Variants in NOTCH2NLR observed in about 807,000 individuals in gnomAD.
NOTCH2NLR encodes the protein notch 2 N-terminal like R.
A neutral mutation model predicts 35.6 loss-of-function variants in NOTCH2NLR; 33 were observed. The ratio of observed to expected loss-of-function variants is 0.93; its 90% CI spans 0.70 to 1.24. The LOEUF (loss-of-function observed/expected upper bound fraction) is 1.24, where lower values mean the gene tolerates loss of function less well. Among genes scored for constraint, NOTCH2NLR ranks in the 50% most tolerant of loss-of-function variants. NOTCH2NLR has a pLI of 0.00. For synonymous variants in NOTCH2NLR, 103 were observed against 141.0 expected (o/e 0.73, Z 1.91); for missense variants, 276 against 362.2 (o/e 0.76, Z 1.93).
At chr1:120,768,239 T>G (rs1368553761) in intron 2 of NOTCH2NLR, among the ~76,000 whole-genome samples, 7 of 113,696 alleles carry the variant, frequency 6.2e-5, no homozygotes, top group Non-Finnish European at 1.2e-4. Flanking sequence ...AGGGGTTCAG[T>G]GGAAAGTGTG....
intron 1 of NOTCH2NLR, 135 bp from the exon 2 acceptor site, chr1:120,763,493 A>T (rs1384487535): frequency 2.2e-6 from 1 of 452,540 alleles, no homozygotes; most frequent in Non-Finnish European, 3.9e-6. Flanking sequence ...AGAACATAAA[A>T]AACTGATTAA....
At chr1:120,725,978 CTT>C (rs1271253567) in intron 1 of NOTCH2NLR, among the ~76,000 whole-genome samples, 2,826 of 111,608 alleles carry the variant, frequency 0.025, 665 homozygotes, top group Middle Eastern at 0.047. Context: ...TGGTAAATAA[CTT>C]AATCTTCTTG....
Position 120,724,679 on chromosome 1 carries a change from C to T in NOTCH2NLR, c.73+429C>T, listed in dbSNP as rs1461234157. The stretch of plus-strand genomic sequence containing the variant: ...CTGGCGTGGAGAGCGGGGGCAGGGC[C>T]GCCAAGCCAAACGGCCTGCAGCTTC... On this transcript the variant is annotated intron_variant, in intron 1 of 4. Coordinates refer to ENST00000624419, the Ensembl canonical transcript of NOTCH2NLR. Among the ~76,000 whole-genome samples the T allele has an allele frequency of 1.6e-5, 2 of 124,320 alleles. 1 individual carries two copies. The highest frequency in any genetic ancestry group is 3.3e-5 in the Non-Finnish European group (2 of 61,376). The allele number at this position is 124,320 out of a possible 152,430, so 81.6% of individuals were successfully genotyped here. A position where few individuals can be genotyped will look rare whatever the true frequency, so the allele number is the denominator to read the frequency against.
chr1:120,727,806 TC>T (rs1429543597), intron 1 of NOTCH2NLR, among the ~76,000 whole-genome samples: 1 of 117,346 alleles, frequency 8.5e-6, no homozygotes, highest in Admixed American at 8.1e-5. Context: ...TGTTTTTGTT[TC>T]CCCCCCTTTC....
intron 1 of NOTCH2NLR, among the ~76,000 whole-genome samples, chr1:120,727,490 A>C (rs1312247758): frequency 9.1e-6 from 1 of 109,848 alleles, no homozygotes; most frequent in South Asian, 2.7e-4. Flanking sequence ...ACCCTTTAGA[A>C]GGGCTTCATA....
At chr1:120,784,881 G>C in intron 2 of NOTCH2NLR, 93 bp from the exon 3 acceptor site, 3 of 1,035,290 alleles carry the variant, frequency 2.9e-6, no homozygotes, top group Non-Finnish European at 2.8e-6. Flanking sequence ...TCACAATCTC[G>C]TGCTTTCTTG....
At chr1:120,756,539 G>T (rs1410951854) in intron 1 of NOTCH2NLR, among the ~76,000 whole-genome samples, 2 of 116,462 alleles carry the variant, frequency 1.7e-5, no homozygotes, top group East Asian at 4.2e-4. Flanking sequence ...GACGACAGAG[G>T]CTTATTTGAA....
intron 1 of NOTCH2NLR, among the ~76,000 whole-genome samples, chr1:120,762,645 GTTTC>G (rs1239451046): frequency 2.8e-5 from 1 of 35,554 alleles, no homozygotes; most frequent in East Asian, 5.7e-4. Context: ...GTTTGACTAG[GTTTC>G]TTTCTGTCTT....
rs1288705783 is a variant in NOTCH2NLR, at chr1:120,767,618, A to G, written c.155+3909A>G. On this transcript the variant is annotated intron_variant, in intron 2 of 4. Coordinates refer to ENST00000624419, the Ensembl canonical transcript of NOTCH2NLR. ...TTATTGCTGTTAAATAACTACTGTC[A>G]AATCTTAATAAAGCCCTCTCACTAC... Among the ~76,000 whole-genome samples the G allele has an allele frequency of 6.6e-4, 57 of 86,446 alleles. 7 individuals carry two copies. Among genetic ancestry groups the G allele is most frequent in the Non-Finnish European group, 1.2e-4 (6 of 48,948 alleles). 56.7% of individuals were successfully genotyped at this position (86,446 alleles called of 152,430 possible).
chr1:120,788,681 T>C (rs1336812029), intron 3 of NOTCH2NLR, among the ~76,000 whole-genome samples: 1 of 91,576 alleles, frequency 1.1e-5, no homozygotes, highest in Non-Finnish European at 2.0e-5. Flanking sequence ...CTTCAGGATG[T>C]TGGGGAACAT....
At position 120,730,617 on chromosome 1, in the gene NOTCH2NLR, A is replaced by G. The variant is rs1399256910; in HGVS notation, c.73+6367A>G. 1.5e-4 allele frequency among the ~76,000 whole-genome samples: 17 copies of G among 115,546 alleles called. 2 individuals carry two copies. Among genetic ancestry groups the G allele is most frequent in the Admixed American group, 7.4e-4 (9 of 12,132 alleles). 75.8% of individuals were successfully genotyped at this position (115,546 alleles called of 152,430 possible). Reference sequence around the variant, plus strand: ...GTCTCACTTTTTGGAGGAGAATATTATCTGTGTGGCAGAACATACATTGTG... The same window carrying G: ...GTCTCACTTTTTGGAGGAGAATATTGTCTGTGTGGCAGAACATACATTGTG... On this transcript the variant is annotated intron_variant, in intron 1 of 4. Transcript: ENST00000624419.
chr1:120,793,227 C>A, exon 4 of NOTCH2NLR: 1 of 1,441,560 alleles, frequency 6.9e-7, no homozygotes, highest in Non-Finnish European at 9.3e-7. Flanking sequence ...ACCTGTACCA[C>A]TGTGGCCAAC....
Position 120,791,322 on chromosome 1 carries a change from G to A in NOTCH2NLR, c.416-1839G>A, listed in dbSNP as rs1217641944. Among the ~76,000 whole-genome samples, 4 of 89,168 alleles carry A rather than the reference G, an allele frequency of 4.5e-5. No individual in the cohort carries two copies. In the East Asian group the frequency reaches 8.0e-4, roughly 18 times the overall value. 58.5% of individuals were successfully genotyped at this position (89,168 alleles called of 152,430 possible). The stretch of plus-strand genomic sequence containing the variant: ...ATATATACCCAAAGAATTATAAATC[G>A]TGCTGCTATAAAGACACATGCACAC... On this transcript the variant is annotated intron_variant, in intron 3 of 4. Coordinates refer to ENST00000624419, the Ensembl canonical transcript of NOTCH2NLR.
At chr1:120,784,586 A>G (rs1469107913) in intron 2 of NOTCH2NLR, among the ~76,000 whole-genome samples, 1 of 117,580 alleles carries the variant, frequency 8.5e-6, no homozygotes, top group Non-Finnish European at 1.6e-5. Flanking sequence ...TGATTTTCCT[A>G]TTCTAAACTG....
intron 1 of NOTCH2NLR, among the ~76,000 whole-genome samples, chr1:120,727,333 A>G (rs1209840730): frequency 6.4e-5 from 7 of 109,684 alleles, no homozygotes; most frequent in Non-Finnish European, 1.0e-4. Flanking sequence ...AGGTCTTTCT[A>G]AATTTAAGAA....
chr1:120,785,411 A>G (rs1395066869), intron 3 of NOTCH2NLR, among the ~76,000 whole-genome samples, 178 bp downstream of exon 3: 1 of 70,222 alleles, frequency 1.4e-5, no homozygotes, highest in Non-Finnish European at 2.4e-5. Flanking sequence ...TAAGAGTTTC[A>G]GGGGGCAGAG....
intron 1 of NOTCH2NLR, among the ~76,000 whole-genome samples, chr1:120,745,162 G>A (rs1650967253): frequency 9.5e-6 from 1 of 105,286 alleles, no homozygotes; most frequent in Admixed American, 9.2e-5. Flanking sequence ...AAGTGGTATT[G>A]GGCCTGTCTA....
intron 1 of NOTCH2NLR, among the ~76,000 whole-genome samples, chr1:120,751,619 C>T (rs1651021907): frequency 1.7e-5 from 1 of 59,380 alleles, no homozygotes; most frequent in South Asian, 4.1e-4. Flanking sequence ...TGCTCTTTCT[C>T]TCTTCCCTTT....
At position 120,770,405 on chromosome 1, in the gene NOTCH2NLR, A is replaced by G. The variant is rs1369967146; in HGVS notation, c.155+6696A>G. ...AGGATGGTCTCTATCTCCTGACCTC[A>G]TGATCTGCCCGCCTCGGCCTCCCAA... On this transcript the variant is annotated intron_variant, in intron 2 of 4. Coordinates refer to ENST00000624419, the Ensembl canonical transcript of NOTCH2NLR. Among the ~76,000 whole-genome samples, 2 of 110,852 alleles carry G rather than the reference A, an allele frequency of 1.8e-5. 1 individual carries two copies. The highest frequency in any genetic ancestry group is 3.4e-5 in the Non-Finnish European group (2 of 59,128). 72.7% of individuals were successfully genotyped at this position (110,852 alleles called of 152,430 possible).
Sources: allele counts gnomAD v4.1 joint callset (sites outside exome capture counted in the v4.1 genomes callset), GRCh38; gene constraint gnomAD v4.1.1; transcripts MANE v1.5; gene names NCBI Gene and HGNC (gene_info 2026-07-23, HGNC 2026-07-21).